The following ZNF765 variants were observed in gnomAD, a reference collection of about 807,000 sequenced individuals.
ZNF765 encodes zinc finger protein 765.
Under a neutral mutation model 44.7 loss-of-function variants are expected in ZNF765, and 37 were observed. The ratio of observed to expected loss-of-function variants is 0.83; its 90% CI spans 0.64 to 1.09. The LOEUF (loss-of-function observed/expected upper bound fraction) is 1.09, where lower values mean the gene tolerates loss of function less well. Among genes scored for constraint, ZNF765 ranks in the 50% least tolerant of loss-of-function variants. The pLI, the probability that ZNF765 is intolerant of heterozygous loss-of-function variation, is 0.00. For synonymous variants in ZNF765, 201 were observed against 213.7 expected, an observed-to-expected ratio of 0.94 and a Z score of 0.52; for missense variants, 594 against 626.1, an observed-to-expected ratio of 0.95 and a Z score of 0.55.
downstream of ZNF765, among the ~76,000 whole-genome samples, chr19:53,415,015 T>G (rs2085866512): frequency 6.6e-6 from 1 of 152,180 alleles, no homozygotes; most frequent in Admixed American, 6.5e-5. Context: ...CTTACACCTG[T>G]AATCCCAGCA....
At position 53,410,736 on chromosome 19, in the gene ZNF765, T is replaced by C. The variant is rs2085826117; in HGVS notation, c.*1609T>C. On this transcript the variant is annotated 3_prime_UTR_variant, in exon 4 of 4. Coordinates refer to ENST00000396408, the MANE Select transcript of ZNF765 (RefSeq NM_001040185.3). ...CATAACTTGCAGTTCATCGGCGAAC[T>C]CGTACTGGAGAGAAACCTTACAAAT... 1 of 430,168 alleles carries C rather than the reference T, an allele frequency of 2.3e-6. No individual in the cohort carries two copies. The highest frequency in any genetic ancestry group is 4.8e-6 in the Non-Finnish European group (1 of 209,864). 26.6% of individuals were successfully genotyped at this position (430,168 alleles called of 1,614,324 possible). A position where few individuals can be genotyped will look rare whatever the true frequency, so the allele number is the denominator to read the frequency against.
Position 53,408,395 on chromosome 19 carries a change from C to A in ZNF765, c.840C>A (p.Phe280Leu). The A allele has an allele frequency of 6.2e-7, 1 of 1,611,172 alleles. No homozygotes were observed. The highest frequency in any genetic ancestry group is 2.2e-5 in the East Asian group (1 of 44,742). The change falls in exon 4 of 4, where the codon TTC becomes TTA. Residue 280 changes from phenylalanine (F) to leucine (L), a missense_variant. Coordinates refer to ENST00000396408, the MANE Select transcript of ZNF765 (RefSeq NM_001040185.3). ...PYKCNECGKT[F>L]SQTYYLTCHR... ...AGTGTAATGAGTGTGGCAAGACCTTCAGTCAGACATATTACCTAACATGCC... is the reference window on the plus strand; with the variant it reads ...AGTGTAATGAGTGTGGCAAGACCTTAAGTCAGACATATTACCTAACATGCC...
At chr19:53,401,550 G>C (rs968806235) in intron 2 of ZNF765, among the ~76,000 whole-genome samples, 5 of 146,860 alleles carry the variant, frequency 3.4e-5, no homozygotes, top group Non-Finnish European at 6.0e-5. Flanking sequence ...GCGACAGAGC[G>C]AGACTCCGTC....
intron 2 of ZNF765, 89 bp from the exon 3 acceptor site, chr19:53,401,976 C>T (rs1216067540): frequency 6.2e-7 from 1 of 1,613,218 alleles, no homozygotes. Flanking sequence ...GCATTTAAAT[C>T]CATGCCTTCA....
chr19:53,414,478 CA>C (rs1292563947), downstream of ZNF765, among the ~76,000 whole-genome samples: 38 of 21,634 alleles, frequency 1.8e-3, 5 homozygotes, highest in East Asian at 0.018. Context: ...CACACACACA[CA>C]CACACACACA....
intron 2 of ZNF765, among the ~76,000 whole-genome samples, chr19:53,401,419 T>C (rs62117277): frequency 0.089 from 13,432 of 151,474 alleles, 678 homozygotes; most frequent in Middle Eastern, 0.14. Flanking sequence ...AAAAATTAGC[T>C]GGGCGTGGTG....
chr19:53,413,108 CTCAAAAAGAAAAAAAAAAAGATG>C (rs2085845759), downstream of ZNF765: 1 of 330,300 alleles, frequency 3.0e-6, no homozygotes, highest in South Asian at 2.0e-5. Context: ...GAAACTTTGT[CTCAAAAAGAAAAAAAAAAAGATG>C]TCAAGCCTCT....
rs749988925 is a variant in ZNF765 at position 53,408,249 on chromosome 19, A to G, written c.694A>G (p.Lys232Glu). The G allele has an allele frequency of 1.2e-4, 186 of 1,614,142 alleles. No individual in the cohort carries two copies. The highest frequency in any genetic ancestry group is 1.4e-4 in the Non-Finnish European group (167 of 1,180,054). Residue 232 changes from lysine to glutamate, a missense_variant, in exon 4 of 4, where the codon AAA becomes GAA. Around this residue, in one of 2 missense-constraint regions of ZNF765, gnomAD observed 567 missense variants for 572.6 expected, o/e 0.99. Transcript: ENST00000396408. ...KAYNCSSLLR[K>E]HQLIHLGEKQ... is the part of the protein sequence containing the mutation. The stretch of plus-strand genomic sequence containing the variant: ...CTATAATTGTAGCTCACTCTTAAGG[A>G]AACATCAGTTAATCCATTTAGGAGA...
intron 3 of ZNF765, among the ~76,000 whole-genome samples, chr19:53,405,181 G>A (rs1198088604): frequency 3.3e-5 from 5 of 152,044 alleles, no homozygotes; most frequent in East Asian, 3.9e-4. Context: ...TTGAAACCCC[G>A]TCTCTACTAA....
chr19:53,400,783 T>TATATATATATATATATATATACACAC, intron 2 of ZNF765, among the ~76,000 whole-genome samples: 1 of 126,760 alleles, frequency 7.9e-6, no homozygotes, highest in Non-Finnish European at 1.6e-5. Flanking sequence ...TATATATATA[T>TATATATATATATATATATATACACAC]ACACACATAC....
At position 53,408,754 on chromosome 19, in the gene ZNF765, AC is replaced by A. The variant is rs546750795; in HGVS notation, c.1201del (p.His401IlefsTer24). On this transcript the variant is annotated frameshift_variant, in exon 4 of 4. Coordinates refer to ENST00000396408, the MANE Select transcript of ZNF765 (RefSeq NM_001040185.3). LOFTEE classifies it high-confidence loss of function. ...KTFSHKSSLT[Y>X]HRRLHTEEKP... ...TTTAGTCACAAGTCATCTCTTACATACCATCGTAGACTTCATACTGAAGAGA... is the reference window on the plus strand; with the variant it reads ...TTTAGTCACAAGTCATCTCTTACATACATCGTAGACTTCATACTGAAGAGA... 471 of 1,572,418 alleles carry A rather than the reference AC, an allele frequency of 3.0e-4. No homozygotes were observed. Among genetic ancestry groups the A allele is most frequent in the Non-Finnish European group, 3.9e-4 (448 of 1,156,314 alleles).
At chr19:53,417,862 A>T (rs2085884321) in intron 3 of ZNF765, among the ~76,000 whole-genome samples, 1 of 149,924 alleles carries the variant, frequency 6.7e-6, no homozygotes, top group South Asian at 2.2e-4. Flanking sequence ...AAGGAAATCT[A>T]CTTTGGGTGG....
intron 3 of ZNF765, among the ~76,000 whole-genome samples, chr19:53,405,903 C>G (rs1260358845): frequency 2.0e-5 from 1 of 49,170 alleles, no homozygotes; most frequent in Non-Finnish European, 4.9e-5. Context: ...TTAATACCAA[C>G]TATATATATA....
rs117283634 is a variant in ZNF765, at chr19:53,408,317, G to A, written c.762G>A (p.Ser254=). 3.2e-3 allele frequency: 5,231 copies of A among 1,614,172 alleles called. 13 individuals are homozygous for A. The highest frequency in any genetic ancestry group is 3.9e-3 in the Non-Finnish European group (4,608 of 1,180,032). ...KCDICGKVFN[S]KRYVARHRRC... ...ATATATGTGGCAAGGTCTTTAATTCGAAGCGATACGTTGCACGCCATCGTA... is the reference window on the plus strand; with the variant it reads ...ATATATGTGGCAAGGTCTTTAATTCAAAGCGATACGTTGCACGCCATCGTA... Residue 254 remains serine (S), a synonymous_variant, in exon 4 of 4, where the codon TCG becomes TCA. Coordinates refer to ENST00000396408, the MANE Select transcript of ZNF765 (RefSeq NM_001040185.3).
rs748680876 is a variant in ZNF765, at chr19:53,408,509, G to A, written c.954G>A (p.Arg318=). The change falls in exon 4 of 4, where the codon AGG becomes AGA. Residue 318 remains arginine, a synonymous_variant. Coordinates refer to ENST00000396408, the MANE Select transcript of ZNF765 (RefSeq NM_001040185.3). ...TCAAATCAAAGCTTCAAATACATAG[G>A]AGAATTCATACTGGAGAGAAACCGT... ...FHFKSKLQIH[R]RIHTGEKPYK... 1.4e-5 allele frequency: 23 copies of A among 1,611,218 alleles called. No homozygotes were observed. Among genetic ancestry groups the A allele is most frequent in the Admixed American group, 3.3e-5 (2 of 59,834 alleles).
chr19:53,426,938 T>C (rs1239175900), exon 4 of ZNF765: 1 of 149,140 alleles, frequency 6.7e-6, no homozygotes. Flanking sequence ...CTCCTGCAGG[T>C]GAGCCCCACT....
At chr19:53,422,013 G>A (rs2085910500) in intron 3 of ZNF765, among the ~76,000 whole-genome samples, 1 of 151,988 alleles carries the variant, frequency 6.6e-6, no homozygotes, top group South Asian at 2.1e-4. Flanking sequence ...TAGTCATGAG[G>A]CAGATTCCTG....
chr19:53,405,688 C>T (rs527697703), intron 3 of ZNF765, among the ~76,000 whole-genome samples: 2 of 150,396 alleles, frequency 1.3e-5, no homozygotes, highest in Admixed American at 1.3e-4. Flanking sequence ...CTCAAAGGCC[C>T]CATCTGCAGA....
chr19:53,413,601 T>G (rs1365283559), downstream of ZNF765, among the ~76,000 whole-genome samples: 1 of 14,450 alleles, frequency 6.9e-5, no homozygotes, highest in Non-Finnish European at 1.8e-4. Context: ...GCTTTTTAGG[T>G]TTTTTTTTTT....
Sources: allele counts gnomAD v4.1 joint callset (sites outside exome capture counted in the v4.1 genomes callset), GRCh38; gene constraint gnomAD v4.1.1; regional missense constraint gnomAD v4.1.1; transcripts MANE v1.5; gene names NCBI Gene and HGNC (gene_info 2026-07-23, HGNC 2026-07-21).